The following ROS1 variants were observed in gnomAD, a reference collection of about 807,000 sequenced individuals.
ROS1 encodes proto-oncogene tyrosine-protein kinase ROS.
A neutral mutation model predicts 273.5 loss-of-function variants in ROS1; 263 were observed. That is an observed-to-expected ratio of 0.96 (90% CI 0.87 to 1.06). ROS1 has a LOEUF of 1.06. Ranked by LOEUF, ROS1 falls within the 50% of genes least tolerant of loss-of-function variation. The pLI is 0.00. For missense variants in ROS1, 2,833 were observed against 2,751.1 expected (o/e 1.03, Z -0.67); for synonymous variants, 1,008 against 954.1 (o/e 1.06, Z -1.04).
At chr6:117,320,310 T>C (rs188617126) in intron 36 of ROS1, among the ~76,000 whole-genome samples, 124 of 152,294 alleles carry the variant, frequency 8.1e-4, no homozygotes, top group African/African-American at 2.8e-3. Flanking sequence ...ACACTTTTAT[T>C]GTAGCTTGTT....
chr6:117,322,702 A>C (rs111636500), intron 35 of ROS1, among the ~76,000 whole-genome samples: 1,837 of 152,310 alleles, frequency 0.012, 10 homozygotes, highest in South Asian at 0.029. Flanking sequence ...ATTTTAAAAT[A>C]ATTGTGACTG....
intron 26 of ROS1, among the ~76,000 whole-genome samples, chr6:117,355,969 G>A (rs999733852): frequency 6.6e-6 from 1 of 152,056 alleles, no homozygotes; most frequent in Non-Finnish European, 1.5e-5. Context: ...ACCACACTGG[G>A]CAATGAAAAG....
At chr6:117,344,357 G>C (rs1434318146) in intron 27 of ROS1, 95 bp from the exon 28 acceptor site, 1 of 775,656 alleles carries the variant, frequency 1.3e-6, no homozygotes, top group African/African-American at 1.8e-5. Flanking sequence ...AGCTTAGAAA[G>C]AAATTTGTAG....
intron 22 of ROS1, among the ~76,000 whole-genome samples, chr6:117,360,812 G>A (rs1225432173): frequency 1.3e-5 from 2 of 151,902 alleles, no homozygotes; most frequent in Non-Finnish European, 2.9e-5. Flanking sequence ...TTTAAATAAA[G>A]TAAGGTCATT....
chr6:117,399,610 A>G (rs993290829), intron 7 of ROS1, among the ~76,000 whole-genome samples: 3 of 152,144 alleles, frequency 2.0e-5, no homozygotes, highest in African/African-American at 7.2e-5. Context: ...AGCCTGGAGC[A>G]TGTCTTCCTG....
Position 117,385,744 on chromosome 6 carries a change from G to A in ROS1, c.2228C>T (p.Ala743Val), listed in dbSNP as rs753464937. Residue 743 changes from alanine to valine, a missense_variant, in exon 16 of 44, where the codon GCA (alanine) becomes GTA (valine). Ala to Val is a moderately conservative substitution (Grantham distance 64, BLOSUM62 0). Transcript: ENST00000368507. ...ENYHLPSIAGAGALAFEWLGH... is the reference protein window; with the variant it reads ...ENYHLPSIAGVGALAFEWLGH... ...CAGCCACTCAAAAGCTAAAGCCCCT[G>A]CTCCTGCAATGCTGGGTAGGTGATA... The A allele has an allele frequency of 3.1e-6, 5 of 1,614,000 alleles. No individual in the cohort carries two copies. The South Asian group carries it at 5.5e-5, about 18-fold the overall frequency.
rs776919099 is a variant in ROS1 at position 117,342,423 on chromosome 6, A to G, written c.4628T>C (p.Ile1543Thr). ...PLEHLPPGKEIWGKTKNGVPE... is the reference protein window; with the variant it reads ...PLEHLPPGKETWGKTKNGVPE... The stretch of plus-strand genomic sequence containing the variant: ...ACCTCCATTTTTAGTTTTTCCCCAA[A>G]TCTCTTTTCCTGGTGGTAAATGTTC... Residue 1543 changes from isoleucine to threonine, a missense_variant, in exon 29 of 44, where the codon ATT becomes ACT. By Grantham distance (89) the Ile-to-Thr change is moderately conservative. Coordinates refer to ENST00000368507, the MANE Select transcript of ROS1 (RefSeq NM_001378902.1). 1.2e-6 allele frequency: 2 copies of G among 1,612,006 alleles called. No homozygotes were observed. Among genetic ancestry groups the G allele is most frequent in the Non-Finnish European group, 1.7e-6 (2 of 1,179,110 alleles).
intron 43 of ROS1, 39 bp downstream of exon 43, chr6:117,300,935 T>C: frequency 6.7e-7 from 1 of 1,502,920 alleles, no homozygotes; most frequent in Non-Finnish European, 8.9e-7. Context: ...CAGTTCACAG[T>C]GCAGCGAAAA....
At chr6:117,355,008 A>G (rs1326180005) in intron 26 of ROS1, among the ~76,000 whole-genome samples, 1 of 152,198 alleles carries the variant, frequency 6.6e-6, no homozygotes, top group Non-Finnish European at 1.5e-5. Flanking sequence ...GCAGGCCAAG[A>G]GCCTAAACAG....
chr6:117,316,931 A>G (rs1391085828), intron 39 of ROS1, among the ~76,000 whole-genome samples: 1 of 152,032 alleles, frequency 6.6e-6, no homozygotes. Flanking sequence ...TTAAATACTA[A>G]AAACAGGCTC....
intron 32 of ROS1, among the ~76,000 whole-genome samples, chr6:117,330,182 C>T (rs902618421): frequency 1.2e-4 from 18 of 152,242 alleles, no homozygotes; most frequent in African/African-American, 4.3e-4. Context: ...GTCGCCACAA[C>T]CCAACACACC....
chr6:117,422,491 T>G (rs890769471), intron 1 of ROS1, among the ~76,000 whole-genome samples: 1 of 152,322 alleles, frequency 6.6e-6, no homozygotes, highest in Middle Eastern at 3.4e-3. Context: ...CTCACAGGTT[T>G]ATTCCTGTAG....
intron 27 of ROS1, among the ~76,000 whole-genome samples, chr6:117,351,520 C>T (rs551661629): frequency 1.3e-5 from 2 of 151,900 alleles, no homozygotes; most frequent in Non-Finnish European, 2.9e-5. Context: ...ACAGGATGCC[C>T]CTCGAGTTTC....
Position 117,362,699 on chromosome 6 carries a change from GT to G in ROS1, c.3269del (p.Asn1090ThrfsTer16), listed in dbSNP as rs1779901769. On this transcript the variant is annotated frameshift_variant, in exon 22 of 44. Coordinates refer to ENST00000368507, the MANE Select transcript of ROS1 (RefSeq NM_001378902.1). LOFTEE classifies it high-confidence loss of function. ...CAGCAATCCAGTCTTCACATGTTTT[GT>G]TTGTAATACTTTGATTGGATATATT... ...FYNISNQSIT[N>X]KTCEDWIAVN... 1 of 1,613,336 alleles carries G rather than the reference GT, an allele frequency of 6.2e-7. No homozygotes were observed. Among genetic ancestry groups the G allele is most frequent in the Non-Finnish European group, 8.5e-7 (1 of 1,179,416 alleles).
intron 21 of ROS1, among the ~76,000 whole-genome samples, chr6:117,364,384 AAAGTCCAGATT>A (rs1044525613): frequency 6.6e-6 from 1 of 152,196 alleles, no homozygotes; most frequent in Non-Finnish European, 1.5e-5. Context: ...ACTGTAGTGA[AAAGTCCAGATT>A]AAGTCCCAGC....
intron 42 of ROS1, among the ~76,000 whole-genome samples, chr6:117,304,390 G>A (rs182917935): frequency 1.3e-5 from 2 of 152,170 alleles, no homozygotes; most frequent in Admixed American, 1.3e-4. Flanking sequence ...TGAAAATAAA[G>A]CTGTGATTCA....
At chr6:117,360,124 C>G (rs571992496) in intron 23 of ROS1, 113 bp from the exon 24 acceptor site, 1 of 831,172 alleles carries the variant, frequency 1.2e-6, no homozygotes, top group South Asian at 1.7e-5. Flanking sequence ...TTTGGTTCCT[C>G]TAATAGATCT....
chr6:117,328,881 G>A (rs930719241), intron 33 of ROS1: 9 of 612,636 alleles, frequency 1.5e-5, no homozygotes, highest in Non-Finnish European at 2.3e-5. Flanking sequence ...CTACACTTCA[G>A]ACCATTTCAG....
intron 24 of ROS1, among the ~76,000 whole-genome samples, chr6:117,358,563 G>A (rs1463145487): frequency 2.0e-5 from 3 of 151,734 alleles, no homozygotes; most frequent in Non-Finnish European, 4.4e-5. Context: ...GGGTTCAAAC[G>A]ATTCTCCTGC....
Sources: gnomAD v4.1 joint callset for allele counts (sites outside exome capture counted in the v4.1 genomes callset) on GRCh38, gnomAD v4.1.1 for gene constraint, MANE v1.5 for transcripts, NCBI Gene and HGNC (gene_info 2026-07-23, HGNC 2026-07-21) for gene names.